The following SLC16A7 variants were observed in gnomAD, a reference collection of about 807,000 sequenced individuals.
The protein encoded by SLC16A7 is solute carrier family 16 member 7.
In SLC16A7, 33 loss-of-function variants were observed where a neutral mutation model predicts 34.9. That is an observed-to-expected ratio of 0.94 (90% CI 0.72 to 1.26). The LOEUF is 1.26. Among genes scored for constraint, SLC16A7 ranks in the 50% most tolerant of loss-of-function variants. The probability of loss-of-function intolerance (pLI) is 0.00; values close to 1 mark genes in which losing one functional copy is unlikely to be tolerated. For synonymous variants in SLC16A7, 201 were observed against 206.6 expected, an observed-to-expected ratio of 0.97 and a Z score of 0.23; for missense variants, 573 against 578.1, an observed-to-expected ratio of 0.99 and a Z score of 0.09.
At chr12:59,710,696 A>C (rs1421232745) in intron 3 of SLC16A7, among the ~76,000 whole-genome samples, 1 of 152,212 alleles carries the variant, frequency 6.6e-6, no homozygotes, top group Non-Finnish European at 1.5e-5. Context: ...GACAAGAATA[A>C]GACTATCTTT....
chr12:59,771,079 C>A, intron 3 of SLC16A7, 140 bp from the exon 4 acceptor site: 1 of 720,106 alleles, frequency 1.4e-6, no homozygotes, highest in Non-Finnish European at 2.3e-6. Flanking sequence ...GAAAAGTTCT[C>A]ATTATGTTTC....
chr12:59,634,075 C>T (rs1333356654), intron 1 of SLC16A7, among the ~76,000 whole-genome samples: 1 of 152,028 alleles, frequency 6.6e-6, no homozygotes, highest in Non-Finnish European at 1.5e-5. Context: ...CTGAAACAGC[C>T]GGGTTCATTA....
intron 3 of SLC16A7, among the ~76,000 whole-genome samples, chr12:59,739,668 G>A (rs1878058351): frequency 6.6e-6 from 1 of 151,646 alleles, no homozygotes; most frequent in Non-Finnish European, 1.5e-5. Context: ...CAACAGTGTA[G>A]AAGTGTTTCT....
At chr12:59,757,104 T>A (rs1880449422) in intron 3 of SLC16A7, among the ~76,000 whole-genome samples, 1 of 104,760 alleles carries the variant, frequency 9.5e-6, no homozygotes, top group East Asian at 3.1e-4. Context: ...TGGGGACTGT[T>A]GTGGGGTGGG....
At chr12:59,764,782 G>A (rs555858032) in intron 3 of SLC16A7, among the ~76,000 whole-genome samples, 14 of 152,016 alleles carry the variant, frequency 9.2e-5, no homozygotes, top group African/African-American at 1.9e-4. Flanking sequence ...GAATAGTGCC[G>A]CAATAAACAT....
At chr12:59,692,904 G>T (rs1871844384) in intron 2 of SLC16A7, among the ~76,000 whole-genome samples, 2 of 151,950 alleles carry the variant, frequency 1.3e-5, no homozygotes, top group Admixed American at 6.6e-5. Context: ...ATTACATGTT[G>T]GGAAAGAAAA....
intron 2 of SLC16A7, chr12:59,665,079 G>A (rs191731419): frequency 6.6e-6 from 1 of 152,188 alleles, no homozygotes; most frequent in East Asian, 1.9e-4. Context: ...CTTTATATAT[G>A]CTGGCTAATG....
intron 2 of SLC16A7, among the ~76,000 whole-genome samples, chr12:59,657,942 T>C (rs940796310): frequency 6.6e-6 from 1 of 151,980 alleles, no homozygotes; most frequent in African/African-American, 2.4e-5. Context: ...TTTTAAAATG[T>C]GCATAAGAGC....
At chr12:59,653,771 A>G (rs1329985662) in intron 1 of SLC16A7, among the ~76,000 whole-genome samples, 2 of 151,704 alleles carry the variant, frequency 1.3e-5, no homozygotes, top group African/African-American at 4.8e-5. Context: ...ATTTTAGATT[A>G]CAATGTCAAG....
chr12:59,609,303 T>C (rs1879086580), intron 1 of SLC16A7, among the ~76,000 whole-genome samples: 1 of 152,186 alleles, frequency 6.6e-6, no homozygotes, highest in Admixed American at 6.5e-5. Flanking sequence ...GAACCGATAA[T>C]GGTTGTTGAC....
chr12:59,664,625 A>G (rs1220634875), intron 2 of SLC16A7: 1 of 152,208 alleles, frequency 6.6e-6, no homozygotes, highest in Non-Finnish European at 1.5e-5. Context: ...GGCTACATCA[A>G]CACAACACAT....
intron 3 of SLC16A7, among the ~76,000 whole-genome samples, chr12:59,709,784 A>G (rs1397518124): frequency 6.6e-6 from 1 of 151,590 alleles, no homozygotes; most frequent in Non-Finnish European, 1.5e-5. Flanking sequence ...AATATGGTAC[A>G]GTGTGGCAGA....
intron 1 of SLC16A7, among the ~76,000 whole-genome samples, chr12:59,623,086 G>T (rs1009699883): frequency 1.3e-5 from 2 of 148,200 alleles, no homozygotes; most frequent in South Asian, 4.3e-4. Flanking sequence ...GTGTGTGTGT[G>T]TGTGTGTCTG....
At chr12:59,742,935 C>A (rs1284495398) in intron 3 of SLC16A7, among the ~76,000 whole-genome samples, 1 of 152,180 alleles carries the variant, frequency 6.6e-6, no homozygotes, top group Non-Finnish European at 1.5e-5. Flanking sequence ...AAGAAAGGAT[C>A]TTCCCACCCA....
chr12:59,603,101 T>C (rs1878766809), intron 1 of SLC16A7, among the ~76,000 whole-genome samples: 2 of 152,208 alleles, frequency 1.3e-5, no homozygotes, highest in Non-Finnish European at 2.9e-5. Context: ...CTTGTGTACA[T>C]CCAAAATAAT....
chr12:59,694,775 A>G (rs916790157), intron 2 of SLC16A7, among the ~76,000 whole-genome samples: 6 of 151,992 alleles, frequency 3.9e-5, no homozygotes, highest in African/African-American at 1.4e-4. Context: ...TTTCATTTTT[A>G]AAACTAAAGA....
rs1488827323 is a variant in SLC16A7 at position 59,784,317 on chromosome 12, G to A, written c.*4638G>A. 6.6e-6 allele frequency: 1 copy of A among 151,972 alleles called. No individual in the cohort carries two copies. The highest frequency in any genetic ancestry group is 1.5e-5 in the Non-Finnish European group (1 of 67,998). The allele number at this position is 151,972 out of a possible 1,614,324, so 9.4% of individuals were successfully genotyped here. On this transcript the variant is annotated 3_prime_UTR_variant, in exon 6 of 6. Transcript: ENST00000547379. Reference sequence around the variant, plus strand: ...GCCCAGGAAGTTGAGGCTTCAGTGAGCTATAATGGCCCCACTTGCAGTCCA... The same window carrying A: ...GCCCAGGAAGTTGAGGCTTCAGTGAACTATAATGGCCCCACTTGCAGTCCA...
intron 2 of SLC16A7, among the ~76,000 whole-genome samples, chr12:59,671,215 A>G (rs1023207559): frequency 1.3e-5 from 2 of 152,164 alleles, no homozygotes; most frequent in Admixed American, 6.5e-5. Context: ...CAAATCTCAC[A>G]TATGGCATCT....
chr12:59,744,272 C>G (rs1188904886), intron 3 of SLC16A7, among the ~76,000 whole-genome samples: 2 of 152,202 alleles, frequency 1.3e-5, no homozygotes, highest in East Asian at 1.9e-4. Flanking sequence ...CATCCCATAC[C>G]CATAAAAACC....
Sources: gnomAD v4.1 joint callset for allele counts (sites outside exome capture counted in the v4.1 genomes callset) on GRCh38, gnomAD v4.1.1 for gene constraint, MANE v1.5 for transcripts, NCBI Gene and HGNC (gene_info 2026-07-23, HGNC 2026-07-21) for gene names.